Variants in C12orf50 observed in about 807,000 individuals in gnomAD.
The protein encoded by C12orf50 is uncharacterized protein C12orf50.
Under a neutral mutation model 61.6 loss-of-function variants are expected in C12orf50, and 35 were observed. The ratio of observed to expected loss-of-function variants is 0.57; its 90% CI spans 0.43 to 0.75. The LOEUF is 0.75. Ranked by LOEUF, C12orf50 falls within the 30% of genes least tolerant of loss-of-function variation. The pLI is 0.00. For synonymous variants in C12orf50, 178 were observed against 161.5 expected (o/e 1.10, Z -0.77); for missense variants, 475 against 488.5 (o/e 0.97, Z 0.26).
chr12:87,995,895 G>C (rs2031364967), intron 6 of C12orf50, among the ~76,000 whole-genome samples: 1 of 152,182 alleles, frequency 6.6e-6, no homozygotes, highest in African/African-American at 2.4e-5. Flanking sequence ...GCCATAAAAA[G>C]CAGAGCCTTC....
At chr12:87,983,812 C>G (rs2030655394) in intron 11 of C12orf50, 1 of 124,122 alleles carries the variant, frequency 8.1e-6, no homozygotes, top group African/African-American at 2.5e-5. Context: ...TGGGTCGGTT[C>G]CAAGTCTTTG....
Position 88,027,082 on chromosome 12 carries a change from A to G in C12orf50, c.-108-12T>C, listed in dbSNP as rs1383144422. 1 of 1,597,796 alleles carries G rather than the reference A, an allele frequency of 6.3e-7. No homozygotes were observed. The highest frequency in any genetic ancestry group is 8.5e-7 in the Non-Finnish European group (1 of 1,174,844). On this transcript the variant is annotated splice_polypyrimidine_tract_variant and intron_variant, in intron 1 of 12. Coordinates refer to ENST00000298699, the MANE Select transcript of C12orf50 (RefSeq NM_152589.3). Reference sequence around the variant, plus strand: ...CGGCACTGGGAACCCTAAAAGAAAAAGTAAACAGTGTAGAAAGCTCAATAT... The same window carrying G: ...CGGCACTGGGAACCCTAAAAGAAAAGGTAAACAGTGTAGAAAGCTCAATAT...
chr12:88,022,036 C>T (rs1422110084), intron 3 of C12orf50, among the ~76,000 whole-genome samples: 2 of 149,750 alleles, frequency 1.3e-5, no homozygotes, highest in Admixed American at 6.7e-5. Context: ...AGAAAGAAAA[C>T]CAAAAAAAAA....
At chr12:88,028,003 A>T (rs1213040921) in intron 1 of C12orf50, 7 of 152,192 alleles carry the variant, frequency 4.6e-5, no homozygotes, top group Non-Finnish European at 1.0e-4. Flanking sequence ...GCCCATTGTC[A>T]CAAAGTTAAT....
Position 87,980,074 on chromosome 12 carries a change from G to A in C12orf50, c.*257C>T, listed in dbSNP as rs940280834. 1.1e-5 allele frequency: 5 copies of A among 441,032 alleles called. No homozygotes were observed. Among genetic ancestry groups the A allele is most frequent in the East Asian group, 3.5e-5 (1 of 28,342 alleles). The allele number at this position is 441,032 out of a possible 1,614,324, so 27.3% of individuals were successfully genotyped here. On this transcript the variant is annotated 3_prime_UTR_variant, in exon 13 of 13. Transcript: ENST00000298699. Reference sequence around the variant, plus strand: ...CTTTTAAATTTTATTAAAATGTTTGGAGTAATGCACGGAATGAATTCCAGA... The same window carrying A: ...CTTTTAAATTTTATTAAAATGTTTGAAGTAATGCACGGAATGAATTCCAGA...
chr12:88,019,581 T>C (rs1284210227), intron 3 of C12orf50, among the ~76,000 whole-genome samples: 1 of 150,708 alleles, frequency 6.6e-6, no homozygotes, highest in East Asian at 2.0e-4. Context: ...GACATGTGGA[T>C]CATATTCAAA....
At chr12:88,013,073 C>T (rs893248666) in intron 3 of C12orf50, among the ~76,000 whole-genome samples, 4 of 151,376 alleles carry the variant, frequency 2.6e-5, no homozygotes, top group Non-Finnish European at 5.9e-5. Context: ...CCAAAAAATA[C>T]ACATGTATAT....
Position 87,987,876 on chromosome 12 carries a change from A to C in C12orf50, c.791T>G (p.Met264Arg), listed in dbSNP as rs373023416. ...HVLNATENISMKCREDPSSMN... is the reference protein window; with the variant it reads ...HVLNATENISRKCREDPSSMN... The stretch of plus-strand genomic sequence containing the variant: ...TGAAGAGGGGTCCTCTCTGCACTTC[A>C]TACTGATATTCTCAGTAGCATTTAA... The change falls in exon 9 of 13, where the codon ATG (methionine) becomes AGG (arginine). Residue 264 changes from methionine to arginine, a missense_variant. Met to Arg is a moderately conservative substitution (Grantham distance 91, BLOSUM62 -1). Transcript: ENST00000298699. 2 of 1,607,860 alleles carry C rather than the reference A, an allele frequency of 1.2e-6. No individual in the cohort carries two copies. The highest frequency in any genetic ancestry group is 2.2e-5 in the East Asian group (1 of 44,734).
chr12:87,988,053 A>G lies in C12orf50; in HGVS notation c.701-87T>C, dbSNP rs1340374130. ...TGTTATTTCACTATTCAAACATTAC[A>G]TAATGGGAACACCTCTTTAAAATAA... On this transcript the variant is annotated intron_variant, in intron 8 of 12. Coordinates refer to ENST00000298699, the MANE Select transcript of C12orf50 (RefSeq NM_152589.3). The G allele has an allele frequency of 2.6e-5, 19 of 735,682 alleles. No individual in the cohort carries two copies. The East Asian group carries it at 5.4e-4, about 21-fold the overall frequency. The allele number at this position is 735,682 out of a possible 1,614,324, so 45.6% of individuals were successfully genotyped here.
chr12:87,994,981 G>A (rs777269722), intron 6 of C12orf50, among the ~76,000 whole-genome samples: 1 of 152,090 alleles, frequency 6.6e-6, no homozygotes, highest in Non-Finnish European at 1.5e-5. Flanking sequence ...ATTAAAAATT[G>A]TAAGCAATCT....
At chr12:88,014,274 G>A (rs2032222865) in intron 3 of C12orf50, among the ~76,000 whole-genome samples, 1 of 150,554 alleles carries the variant, frequency 6.6e-6, no homozygotes, top group African/African-American at 2.5e-5. Context: ...TCTGATTTTT[G>A]TGAGATACTT....
chr12:88,011,227 C>A (rs934113184), intron 3 of C12orf50, among the ~76,000 whole-genome samples: 8 of 151,980 alleles, frequency 5.3e-5, no homozygotes. Context: ...AAGGGAATAA[C>A]CTTTTTCCCA....
At chr12:87,997,108 C>T (rs921565326) in intron 4 of C12orf50, among the ~76,000 whole-genome samples, 9 of 152,056 alleles carry the variant, frequency 5.9e-5, no homozygotes, top group Non-Finnish European at 1.3e-4. Context: ...TCTGGCACCA[C>T]TGTGCTGGGT....
At chr12:88,018,204 G>A (rs764082705) in intron 3 of C12orf50, among the ~76,000 whole-genome samples, 4 of 152,246 alleles carry the variant, frequency 2.6e-5, no homozygotes, top group Non-Finnish European at 5.9e-5. Flanking sequence ...CATGCTGTGT[G>A]CAGCCTATGG....
intron 6 of C12orf50, among the ~76,000 whole-genome samples, chr12:87,995,898 G>A (rs2031365612): frequency 6.6e-6 from 1 of 152,160 alleles, no homozygotes; most frequent in African/African-American, 2.4e-5. Context: ...ATAAAAAGCA[G>A]AGCCTTCGAT....
At chr12:88,001,653 CCAAT>C (rs2031659333) in intron 3 of C12orf50, among the ~76,000 whole-genome samples, 1 of 151,228 alleles carries the variant, frequency 6.6e-6, no homozygotes, top group Admixed American at 6.6e-5. Context: ...TTTCAAATAC[CCAAT>C]CAATCTCTTT....
chr12:87,994,361 G>GACACAC (rs35200222), intron 7 of C12orf50, among the ~76,000 whole-genome samples: 1 of 150,170 alleles, frequency 6.7e-6, no homozygotes, highest in African/African-American at 2.4e-5. Context: ...CCTACACACA[G>GACACAC]ACACACACAC....
intron 11 of C12orf50, chr12:87,984,896 A>G (rs1264682069): frequency 6.6e-6 from 1 of 152,154 alleles, no homozygotes; most frequent in Non-Finnish European, 1.5e-5. Context: ...ATATCAGTAA[A>G]TAAGATAATA....
chr12:87,998,205 C>T lies in C12orf50; in HGVS notation c.134-15G>A. On this transcript the variant is annotated splice_polypyrimidine_tract_variant and intron_variant, in intron 3 of 12. Coordinates refer to ENST00000298699, the MANE Select transcript of C12orf50 (RefSeq NM_152589.3). ...TAGTGTGATATCTGCAGAGAAAATG[C>T]AACATTTCAGTCTGTTCAAGATATA... 3 of 1,605,176 alleles carry T rather than the reference C, an allele frequency of 1.9e-6. No homozygotes were observed. Among genetic ancestry groups the T allele is most frequent in the South Asian group, 2.2e-5 (2 of 90,044 alleles).
Sources: allele counts gnomAD v4.1 joint callset (sites outside exome capture counted in the v4.1 genomes callset), GRCh38; gene constraint gnomAD v4.1.1; transcripts MANE v1.5; gene names NCBI Gene and HGNC (gene_info 2026-07-23, HGNC 2026-07-21).